Variants in ATP11B observed in about 807,000 individuals in gnomAD.
ATP11B encodes the protein ATPase phospholipid transporting 11B (putative).
Under a neutral mutation model 157.8 loss-of-function variants are expected in ATP11B, and 81 were observed. That is an observed-to-expected ratio of 0.51 (90% CI 0.43 to 0.62). The LOEUF is 0.62. ATP11B is among the 20% of genes least tolerant of loss of function. The pLI is 0.00. For missense variants in ATP11B, 1,165 were observed against 1,402.2 expected, an observed-to-expected ratio of 0.83 and a Z score of 2.70; for synonymous variants, 451 against 469.4, an observed-to-expected ratio of 0.96 and a Z score of 0.51.
intron 1 of ATP11B, among the ~76,000 whole-genome samples, chr3:182,811,183 A>G (rs576457279): frequency 6.6e-6 from 1 of 152,298 alleles, no homozygotes; most frequent in East Asian, 1.9e-4. Flanking sequence ...TTCACTGGTG[A>G]TGTGATTTTC....
intron 1 of ATP11B, among the ~76,000 whole-genome samples, chr3:182,797,284 A>G (rs934618538): frequency 6.6e-6 from 1 of 152,160 alleles, no homozygotes; most frequent in African/African-American, 2.4e-5. Context: ...GTAACTGGCA[A>G]ATTCTTTTTA....
intron 28 of ATP11B, chr3:182,905,761 AAT>A (rs1724300383): frequency 2.2e-6 from 1 of 456,706 alleles, no homozygotes; most frequent in South Asian, 1.5e-5. Context: ...ATCATTCTGT[AAT>A]ATGAGACTTG....
intron 19 of ATP11B, among the ~76,000 whole-genome samples, chr3:182,878,826 GT>G (rs1188227563): frequency 6.6e-6 from 1 of 151,396 alleles, no homozygotes; most frequent in Non-Finnish European, 1.5e-5. Context: ...ATTTCATAGA[GT>G]TTTTTTTTAA....
chr3:182,916,097 T>C, intron 29 of ATP11B: 1 of 985,400 alleles, frequency 1.0e-6, no homozygotes, highest in Non-Finnish European at 1.2e-6. Flanking sequence ...TCAAGGGCTA[T>C]GTGAAAATTG....
intron 26 of ATP11B, 24 bp downstream of exon 26, chr3:182,896,789 T>G (rs1291074073): frequency 6.3e-7 from 1 of 1,588,240 alleles, no homozygotes; most frequent in Admixed American, 1.7e-5. Flanking sequence ...ATTAGAAATG[T>G]GGACACATTT....
intron 13 of ATP11B, 79 bp from the exon 14 acceptor site, chr3:182,866,189 C>T (rs1721218380): frequency 2.7e-6 from 3 of 1,096,206 alleles, no homozygotes; most frequent in Non-Finnish European, 3.8e-6. Flanking sequence ...TGTTCTAGAT[C>T]TTAGAATTTT....
intron 19 of ATP11B, among the ~76,000 whole-genome samples, chr3:182,875,417 T>G (rs1216505374): frequency 1.4e-5 from 2 of 141,464 alleles, no homozygotes; most frequent in Admixed American, 6.8e-5. Flanking sequence ...CAGGGGATTT[T>G]TTGTTGTTGT....
At chr3:182,837,359 A>T (rs910498886) in intron 7 of ATP11B, among the ~76,000 whole-genome samples, 185 bp downstream of exon 7, 1 of 152,180 alleles carries the variant, frequency 6.6e-6, no homozygotes, top group Non-Finnish European at 1.5e-5. Context: ...TAAGCAAAAG[A>T]TAATAGTTCA....
chr3:182,853,640 T>C (rs1458032676), intron 10 of ATP11B, among the ~76,000 whole-genome samples: 1 of 152,190 alleles, frequency 6.6e-6, no homozygotes, highest in Non-Finnish European at 1.5e-5. Context: ...TAATGAAAAT[T>C]ACAAAACATG....
intron 1 of ATP11B, among the ~76,000 whole-genome samples, chr3:182,808,590 A>C (rs1716468300): frequency 6.6e-6 from 1 of 152,160 alleles, no homozygotes. Flanking sequence ...TGGGTTCCAT[A>C]ATGATGATGT....
At chr3:182,809,129 A>G (rs570690387) in intron 1 of ATP11B, among the ~76,000 whole-genome samples, 1 of 152,126 alleles carries the variant, frequency 6.6e-6, no homozygotes, top group Non-Finnish European at 1.5e-5. Flanking sequence ...TAGAAGTCCA[A>G]AACTCTGAGA....
intron 2 of ATP11B, among the ~76,000 whole-genome samples, chr3:182,824,991 G>C (rs148126918): frequency 6.6e-5 from 10 of 152,316 alleles, no homozygotes; most frequent in Admixed American, 3.3e-4. Flanking sequence ...TATTTATACA[G>C]ATACTGTCAC....
At chr3:182,811,059 A>G (rs1204386163) in intron 1 of ATP11B, among the ~76,000 whole-genome samples, 1 of 140,468 alleles carries the variant, frequency 7.1e-6, no homozygotes, top group Non-Finnish European at 1.6e-5. Context: ...TTCAGTATGT[A>G]AACAATCATG....
At chr3:182,808,289 G>A (rs1233947451) in intron 1 of ATP11B, among the ~76,000 whole-genome samples, 1 of 152,134 alleles carries the variant, frequency 6.6e-6, no homozygotes, top group African/African-American at 2.4e-5. Flanking sequence ...CTCTAATCTT[G>A]TGTTTTCCTG....
At chr3:182,891,067 C>A (rs1221625179) in intron 25 of ATP11B, among the ~76,000 whole-genome samples, 1 of 152,178 alleles carries the variant, frequency 6.6e-6, no homozygotes, top group Admixed American at 6.6e-5. Context: ...AGTCATGATT[C>A]TCAATTCTTC....
At chr3:182,882,332 T>TA (rs1007288484) in intron 21 of ATP11B, among the ~76,000 whole-genome samples, 2 of 151,964 alleles carry the variant, frequency 1.3e-5, no homozygotes, top group Admixed American at 6.6e-5. Flanking sequence ...TTTAAGGCTA[T>TA]AAAAAAAATT....
At chr3:182,901,979 G>A (rs1227719339) in intron 28 of ATP11B, among the ~76,000 whole-genome samples, 1 of 152,054 alleles carries the variant, frequency 6.6e-6, no homozygotes, top group African/African-American at 2.4e-5. Context: ...AATCCAAGAA[G>A]GAAGTCTCTA....
rs1722382215 is a variant in ATP11B, at chr3:182,880,986, T to C, written c.2509+5T>C. On this transcript the variant is annotated splice_donor_5th_base_variant and intron_variant, in intron 21 of 29. Transcript: ENST00000323116. ...AAGAAGCCCATGTTGGCATAGGTGA[T>C]TGATTCTTCCTGAAAAGTTTTTCCT... is the stretch of plus-strand genomic sequence containing the variant. 6.4e-7 allele frequency: 1 copy of C among 1,572,666 alleles called. No homozygotes were observed. Among genetic ancestry groups the C allele is most frequent in the African/African-American group, 1.4e-5 (1 of 72,352 alleles).
Position 182,921,510 on chromosome 3 carries a change from A to C in ATP11B, c.*3406A>C, listed in dbSNP as rs1725490212. On this transcript the variant is annotated 3_prime_UTR_variant, in exon 30 of 30. Transcript: ENST00000323116. Reference sequence around the variant, plus strand: ...TGGACCTGAGACACTGTGGCTGTCTAATGTAATCCTTTAAAAATTCTCTGC... The same window carrying C: ...TGGACCTGAGACACTGTGGCTGTCTCATGTAATCCTTTAAAAATTCTCTGC... 1 of 152,228 alleles carries C rather than the reference A, an allele frequency of 6.6e-6. No homozygotes were observed. Among genetic ancestry groups the C allele is most frequent in the Non-Finnish European group, 1.5e-5 (1 of 68,042 alleles). The allele number at this position is 152,228 out of a possible 1,614,324, so 9.4% of individuals were successfully genotyped here.
Sources: gnomAD v4.1 joint callset for allele counts (sites outside exome capture counted in the v4.1 genomes callset) on GRCh38, gnomAD v4.1.1 for gene constraint, MANE v1.5 for transcripts, NCBI Gene and HGNC (gene_info 2026-07-23, HGNC 2026-07-21) for gene names.